ADPGK: variants seen among roughly 807,000 people sequenced by gnomAD.
ADPGK encodes the protein ADP-dependent glucokinase.
A neutral mutation model predicts 42.4 loss-of-function variants in ADPGK; 26 were observed. The ratio of observed to expected loss-of-function variants is 0.61; its 90% CI spans 0.45 to 0.85. ADPGK has a LOEUF of 0.85. Among genes scored for constraint, ADPGK ranks in the 40% least tolerant of loss-of-function variants. The pLI, the probability that ADPGK is intolerant of heterozygous loss-of-function variation, is 0.00. For synonymous variants in ADPGK, 267 were observed against 252.6 expected (o/e 1.06, Z -0.54); for missense variants, 571 against 627.0 (o/e 0.91, Z 0.95).
chr15:72,753,032 G>A, intron 6 of ADPGK, 137 bp from the exon 7 acceptor site: 2 of 825,900 alleles, frequency 2.4e-6, no homozygotes, highest in Non-Finnish European at 3.8e-6. Context: ...CCCTGGCCCT[G>A]AAGTCACTGT....
rs2066059770 is a variant in ADPGK, at chr15:72,752,572, G to A, written c.1263C>T (p.Asp421=). 1 of 1,614,218 alleles carries A rather than the reference G, an allele frequency of 6.2e-7. No homozygotes were observed. Among genetic ancestry groups the A allele is most frequent in the Non-Finnish European group, 8.5e-7 (1 of 1,180,040 alleles). The stretch of plus-strand genomic sequence containing the variant: ...GTGCCCTCAGAGACACTCGGCTGGT[G>A]TCTATGGTTTCTGTGGCGCAGGCCT... ...GTQACATETI[D]TSRVSLRAPQ... is the part of the protein sequence containing the mutation. The change falls in exon 7 of 7, where the codon GAC becomes GAT. Residue 421 remains aspartate (D), a synonymous_variant. Coordinates refer to ENST00000456471, the MANE Select transcript of ADPGK (RefSeq NM_001365225.1).
chr15:72,769,719 A>G (rs1222921724), intron 3 of ADPGK, among the ~76,000 whole-genome samples: 1 of 152,196 alleles, frequency 6.6e-6, no homozygotes, highest in African/African-American at 2.4e-5. Context: ...ACCAGCGTCT[A>G]TTTCAAAGAT....
intron 3 of ADPGK, among the ~76,000 whole-genome samples, chr15:72,769,648 T>C (rs879480126): frequency 3.3e-5 from 5 of 152,154 alleles, no homozygotes; most frequent in Non-Finnish European, 7.4e-5. Flanking sequence ...AAAGGCACGG[T>C]TCCTCTCCTG....
intron 3 of ADPGK, among the ~76,000 whole-genome samples, chr15:72,761,010 C>T (rs1301691818): frequency 6.6e-6 from 1 of 152,264 alleles, no homozygotes; most frequent in East Asian, 1.9e-4. Context: ...CTCTCTCCCC[C>T]CACCGCATGC....
Position 72,752,787 on chromosome 15 carries a change from G to A in ADPGK, c.1048C>T (p.Pro350Ser). 1 of 1,614,200 alleles carries A rather than the reference G, an allele frequency of 6.2e-7. No homozygotes were observed. Among genetic ancestry groups the A allele is most frequent in the Non-Finnish European group, 8.5e-7 (1 of 1,180,048 alleles). Residue 350 changes from proline (P) to serine (S), a missense_variant, in exon 7 of 7, where the codon CCT becomes TCT. This residue lies in a region of ADPGK where 434 missense variants were observed against 522.7 expected (regional missense o/e 0.83). Coordinates refer to ENST00000456471, the MANE Select transcript of ADPGK (RefSeq NM_001365225.1). ...ATGTCACTGACCATGCCCACATCAG[G>A]AACACCGTTCCAGGAAGAGAGAGAA... ...HSSLSSWNGV[P>S]DVGMVSDILF...
At chr15:72,763,369 T>G (rs2066220422) in intron 3 of ADPGK, among the ~76,000 whole-genome samples, 1 of 148,880 alleles carries the variant, frequency 6.7e-6, no homozygotes, top group East Asian at 2.0e-4. Context: ...GGTTTCACCA[T>G]GTTGGCTGAA....
At chr15:72,773,117 A>T (rs1312712112) in intron 2 of ADPGK, among the ~76,000 whole-genome samples, 2 of 151,128 alleles carry the variant, frequency 1.3e-5, no homozygotes, top group African/African-American at 4.9e-5. Flanking sequence ...ATGAGCTATT[A>T]AAAAAAAAGG....
At chr15:72,759,109 T>C (rs534334243) in intron 4 of ADPGK, among the ~76,000 whole-genome samples, 83 of 152,268 alleles carry the variant, frequency 5.5e-4, no homozygotes, top group African/African-American at 1.7e-3. Flanking sequence ...GGCTAATTTT[T>C]GTATTTTTAG....
At position 72,752,704 on chromosome 15, in the gene ADPGK, G is replaced by A; in HGVS notation, c.1131C>T (p.Thr377=). The A allele has an allele frequency of 6.2e-7, 1 of 1,614,204 alleles. No homozygotes were observed. The highest frequency in any genetic ancestry group is 2.2e-5 in the East Asian group (1 of 44,880). The change falls in exon 7 of 7, where the codon ACC becomes ACT. Residue 377 remains threonine (T), a synonymous_variant. Coordinates refer to ENST00000456471, the MANE Select transcript of ADPGK (RefSeq NM_001365225.1). ...GRSKSRASDL[T]RIHFHTLVYH... Reference sequence around the variant, plus strand: ...AGACCAGCGTGTGGAAATGGATCCTGGTGAGATCCGAGGCTCTGCTTTTAC... The same window carrying A: ...AGACCAGCGTGTGGAAATGGATCCTAGTGAGATCCGAGGCTCTGCTTTTAC...
At chr15:72,760,183 TG>T (rs2066174320) in intron 4 of ADPGK, 8 of 337,676 alleles carry the variant, frequency 2.4e-5, no homozygotes, top group Non-Finnish European at 4.2e-5. Context: ...GGAGCAATTC[TG>T]CTTGTAGACC....
At chr15:72,779,896 A>T (rs1175689513) in intron 1 of ADPGK, among the ~76,000 whole-genome samples, 1 of 152,230 alleles carries the variant, frequency 6.6e-6, no homozygotes, top group Non-Finnish European at 1.5e-5. Flanking sequence ...CAATGTATGT[A>T]CATTTCTCCT....
At chr15:72,771,153 A>G (rs1031684595) in intron 3 of ADPGK, among the ~76,000 whole-genome samples, 1 of 152,202 alleles carries the variant, frequency 6.6e-6, no homozygotes, top group Non-Finnish European at 1.5e-5. Flanking sequence ...CTTCAGGCCT[A>G]TTCTACTCAT....
chr15:72,783,114 G>T, intron 1 of ADPGK: 1 of 708,748 alleles, frequency 1.4e-6, no homozygotes, highest in Non-Finnish European at 1.8e-6. Flanking sequence ...TAGTGGGTAA[G>T]GTCAAGTATC....
intron 4 of ADPGK, among the ~76,000 whole-genome samples, chr15:72,759,615 C>A (rs1225566029): frequency 1.3e-5 from 2 of 152,146 alleles, no homozygotes; most frequent in African/African-American, 4.8e-5. Context: ...AAGTAGTTCA[C>A]TGAAGAGTAT....
intron 6 of ADPGK, 71 bp downstream of exon 6, chr15:72,755,485 C>G: frequency 3.5e-6 from 4 of 1,154,042 alleles, no homozygotes; most frequent in Non-Finnish European, 5.1e-6. Context: ...ACAGATGGTC[C>G]CACTGCACAA....
intron 3 of ADPGK, among the ~76,000 whole-genome samples, chr15:72,762,954 G>A (rs1399933094): frequency 6.6e-6 from 1 of 152,070 alleles, no homozygotes; most frequent in Non-Finnish European, 1.5e-5. Context: ...TGGCATGGGC[G>A]ACAAAGTGAG....
intron 5 of ADPGK, 83 bp downstream of exon 5, chr15:72,756,168 C>A (rs2066110900): frequency 6.4e-7 from 1 of 1,561,168 alleles, no homozygotes; most frequent in African/African-American, 1.4e-5. Flanking sequence ...GGACCTAAGA[C>A]AAGGCAGCAG....
intron 2 of ADPGK, among the ~76,000 whole-genome samples, chr15:72,774,269 G>A (rs1357857753): frequency 6.6e-6 from 1 of 152,222 alleles, no homozygotes; most frequent in African/African-American, 2.4e-5. Flanking sequence ...CAGCCAAAGG[G>A]AGGTTTAAAT....
intron 5 of ADPGK, 138 bp downstream of exon 5, chr15:72,756,113 G>A: frequency 9.7e-7 from 1 of 1,032,516 alleles, no homozygotes; most frequent in Non-Finnish European, 1.5e-6. Context: ...TGCAGCAGGA[G>A]GCAAGCTCCA....
Sources: gnomAD v4.1 joint callset for allele counts (sites outside exome capture counted in the v4.1 genomes callset) on GRCh38, gnomAD v4.1.1 for gene constraint, gnomAD v4.1.1 regional missense constraint, MANE v1.5 for transcripts, NCBI Gene and HGNC (gene_info 2026-07-23, HGNC 2026-07-21) for gene names.